Variants in CSMD1 observed in about 807,000 individuals in gnomAD.
CSMD1 encodes CUB and Sushi multiple domains 1, also known as CUB and sushi domain-containing protein 1.
Under a neutral mutation model 417.5 loss-of-function variants are expected in CSMD1, and 213 were observed. That is an observed-to-expected ratio of 0.51 (90% CI 0.46 to 0.57). The LOEUF is 0.57. Ranked by LOEUF, CSMD1 falls within the 20% of genes least tolerant of loss-of-function variation. The probability of loss-of-function intolerance (pLI) is 0.00; values close to 1 mark genes in which losing one functional copy is unlikely to be tolerated. For synonymous variants in CSMD1, 2,862 were observed against 1,736.8 expected (o/e 1.65, Z -16.11); for missense variants, 6,923 against 4,529.7 (o/e 1.53, Z -15.17).
chr8:3,391,460 A>T (rs745893712), intron 17 of CSMD1, among the ~76,000 whole-genome samples: 1 of 152,258 alleles, frequency 6.6e-6, no homozygotes, highest in Admixed American at 6.5e-5. Context: ...TTTAAAGATC[A>T]ACATACAAAG....
At chr8:4,481,459 A>C (rs1248192871) in intron 2 of CSMD1, among the ~76,000 whole-genome samples, 2 of 152,262 alleles carry the variant, frequency 1.3e-5, no homozygotes, top group African/African-American at 4.8e-5. Context: ...AGATAAAATA[A>C]TGATGTGTTC....
intron 5 of CSMD1, among the ~76,000 whole-genome samples, chr8:3,760,966 T>C (rs896683223): frequency 1.3e-5 from 2 of 152,082 alleles, no homozygotes; most frequent in African/African-American, 4.8e-5. Flanking sequence ...TTTTTCTTTT[T>C]TTTTTGCATT....
intron 3 of CSMD1, among the ~76,000 whole-genome samples, chr8:4,291,262 A>T (rs1264778664): frequency 5.9e-5 from 9 of 152,164 alleles, no homozygotes; most frequent in Non-Finnish European, 1.3e-4. Flanking sequence ...AATAAAGAAA[A>T]TATTCAAAAG....
chr8:3,922,118 T>G (rs1190013376), intron 5 of CSMD1, among the ~76,000 whole-genome samples: 1 of 145,676 alleles, frequency 6.9e-6, no homozygotes, highest in African/African-American at 2.4e-5. Context: ...CCCTTTATCA[T>G]TATATTATGA....
chr8:3,548,764 G>A (rs541220099), intron 10 of CSMD1, among the ~76,000 whole-genome samples: 2 of 151,348 alleles, frequency 1.3e-5, no homozygotes, highest in African/African-American at 2.4e-5. Flanking sequence ...GAGTAAGCCC[G>A]GCCAAGTTGT....
chr8:3,926,094 C>CACACACAAACACCAT (rs1563218195), intron 5 of CSMD1, among the ~76,000 whole-genome samples: 100 of 59,928 alleles, frequency 1.7e-3, no homozygotes, highest in African/African-American at 9.5e-3. Flanking sequence ...CACACACACA[C>CACACACAAACACCAT]ACACACACAC....
intron 17 of CSMD1, among the ~76,000 whole-genome samples, chr8:3,388,816 T>G (rs1180404889): frequency 1.3e-5 from 2 of 152,034 alleles, no homozygotes; most frequent in African/African-American, 2.4e-5. Flanking sequence ...AGAGGCAACG[T>G]GGATATCATT....
At chr8:3,715,490 T>C (rs1387015206) in intron 6 of CSMD1, among the ~76,000 whole-genome samples, 3 of 152,204 alleles carry the variant, frequency 2.0e-5, no homozygotes, top group African/African-American at 7.2e-5. Context: ...TATAAAAATG[T>C]GTTGTTCCAT....
intron 9 of CSMD1, among the ~76,000 whole-genome samples, chr8:3,584,711 T>C (rs978428895): frequency 6.6e-6 from 1 of 152,224 alleles, no homozygotes; most frequent in African/African-American, 2.4e-5. Context: ...AGAATGCACA[T>C]TTACTATTTG....
At chr8:3,213,729 G>A (rs901576258) in intron 30 of CSMD1, among the ~76,000 whole-genome samples, 1 of 149,996 alleles carries the variant, frequency 6.7e-6, no homozygotes, top group African/African-American at 2.5e-5. Context: ...AAATATATAT[G>A]TATATATGTA....
intron 12 of CSMD1, among the ~76,000 whole-genome samples, chr8:3,450,886 C>T (rs2117104410): frequency 6.6e-6 from 1 of 151,926 alleles, no homozygotes; most frequent in South Asian, 2.1e-4. Context: ...TGAGGAATCG[C>T]CACACTGACT....
At chr8:4,759,299 G>C (rs568479851) in intron 1 of CSMD1, among the ~76,000 whole-genome samples, 1 of 152,294 alleles carries the variant, frequency 6.6e-6, no homozygotes, top group East Asian at 1.9e-4. Flanking sequence ...TCTTTCACAA[G>C]CCAAGAGGGC....
intron 6 of CSMD1, among the ~76,000 whole-genome samples, chr8:3,719,980 G>A (rs550201699): frequency 1.8e-4 from 28 of 152,326 alleles, no homozygotes; most frequent in South Asian, 6.2e-4. Context: ...CCTCAGAGCT[G>A]TGGTGAAGAT....
chr8:3,994,447 G>T (rs1283224523), intron 5 of CSMD1, among the ~76,000 whole-genome samples: 4 of 119,122 alleles, frequency 3.4e-5, no homozygotes, highest in Admixed American at 9.0e-5. Flanking sequence ...AATCTCTTCA[G>T]AAAAAAAAAA....
At chr8:4,022,094 C>CAT (rs1410651983) in intron 4 of CSMD1, among the ~76,000 whole-genome samples, 1 of 109,054 alleles carries the variant, frequency 9.2e-6, no homozygotes, top group Non-Finnish European at 2.0e-5. Flanking sequence ...TCCACACACA[C>CAT]ACATATATAT....
At chr8:4,146,989 C>A (rs1418581062) in intron 3 of CSMD1, among the ~76,000 whole-genome samples, 1 of 151,956 alleles carries the variant, frequency 6.6e-6, no homozygotes, top group African/African-American at 2.4e-5. Context: ...TCCGCCAGCA[C>A]TTCCTGTCCA....
At chr8:3,506,063 C>A (rs775303279) in intron 10 of CSMD1, among the ~76,000 whole-genome samples, 2 of 152,134 alleles carry the variant, frequency 1.3e-5, no homozygotes, top group African/African-American at 4.8e-5. Flanking sequence ...CAAGTTCCTC[C>A]TGGGGTTGAG....
chr8:4,637,857 A>G (rs551146358), intron 1 of CSMD1, among the ~76,000 whole-genome samples: 2 of 149,904 alleles, frequency 1.3e-5, no homozygotes, highest in Admixed American at 1.3e-4. Flanking sequence ...TTTTTAGTAG[A>G]GACGGGGTTT....
intron 1 of CSMD1, among the ~76,000 whole-genome samples, chr8:4,717,469 TAC>T (rs1211481771): frequency 2.0e-5 from 3 of 150,822 alleles, no homozygotes; most frequent in Admixed American, 2.0e-4. Flanking sequence ...TATATATATA[TAC>T]ACACACACCC....
Sources: gnomAD v4.1 joint callset for allele counts (sites outside exome capture counted in the v4.1 genomes callset) on GRCh38, gnomAD v4.1.1 for gene constraint, MANE v1.5 for transcripts, NCBI Gene and HGNC (gene_info 2026-07-23, HGNC 2026-07-21) for gene names.